Variants in TRAF3 observed in about 807,000 individuals in gnomAD.
TRAF3 encodes the protein TNF receptor associated factor 3.
In TRAF3, 13 loss-of-function variants were observed where a neutral mutation model predicts 62.3. The observed-to-expected ratio is 0.21, with a 90% confidence interval of 0.14 to 0.33. The LOEUF is 0.33. TRAF3 is among the 10% of genes least tolerant of loss of function. The pLI, the probability that TRAF3 is intolerant of heterozygous loss-of-function variation, is 1.00. For synonymous variants in TRAF3, 269 were observed against 283.4 expected (o/e 0.95, Z 0.51); for missense variants, 440 against 741.8 (o/e 0.59, Z 4.73).
At position 102,910,757 on chromosome 14, in the gene TRAF3, C is replaced by T. The variant is rs922113426; in HGVS notation, c.*4973C>T. On this transcript the variant is annotated 3_prime_UTR_variant, in exon 12 of 12. Coordinates refer to ENST00000392745, the MANE Select transcript of TRAF3 (RefSeq NM_145725.3). The stretch of plus-strand genomic sequence containing the variant: ...TTTCATTTCTCCTGCTGCACTGTGT[C>T]TAGTCTGTCTTGTGAACTCTCACCG... The T allele has an allele frequency of 2.6e-5, 4 of 152,248 alleles. No homozygotes were observed. Among genetic ancestry groups the T allele is most frequent in the African/African-American group, 9.6e-5 (4 of 41,462 alleles). 9.4% of individuals were successfully genotyped at this position (152,248 alleles called of 1,614,324 possible).
intron 2 of TRAF3, among the ~76,000 whole-genome samples, chr14:102,831,510 G>C (rs7156191): frequency 0.24 from 35,776 of 152,090 alleles, 4,684 homozygotes; most frequent in East Asian, 0.39. Context: ...GTTGCAGATA[G>C]AGCGTGGAGT....
chr14:102,832,140 A>G (rs1395763659), intron 2 of TRAF3, among the ~76,000 whole-genome samples: 1 of 142,902 alleles, frequency 7.0e-6, no homozygotes, highest in Admixed American at 7.3e-5. Flanking sequence ...CATGTACAAC[A>G]TGATATTTTG....
chr14:102,872,314 G>A (rs1322085753), intron 4 of TRAF3, among the ~76,000 whole-genome samples: 1 of 152,204 alleles, frequency 6.6e-6, no homozygotes, highest in Admixed American at 6.5e-5. Context: ...CTGTGGTTGG[G>A]TCACTTCCGT....
At chr14:102,779,100 G>A (rs958994291) in intron 1 of TRAF3, among the ~76,000 whole-genome samples, 2 of 152,148 alleles carry the variant, frequency 1.3e-5, no homozygotes, top group African/African-American at 4.8e-5. Flanking sequence ...GTGAGTGGGT[G>A]CTCATGACGG....
intron 1 of TRAF3, among the ~76,000 whole-genome samples, chr14:102,794,541 T>G (rs1354804911): frequency 1.3e-5 from 2 of 152,218 alleles, no homozygotes; most frequent in Non-Finnish European, 2.9e-5. Context: ...ATTCCTGCCA[T>G]GTTCTAAAAA....
intron 2 of TRAF3, among the ~76,000 whole-genome samples, chr14:102,861,903 G>T (rs945716419): frequency 1.3e-5 from 2 of 152,134 alleles, no homozygotes; most frequent in Non-Finnish European, 2.9e-5. Flanking sequence ...TTGTCTTTTT[G>T]TGGTTGAGTT....
chr14:102,840,197 C>CA (rs992899038), intron 2 of TRAF3, among the ~76,000 whole-genome samples: 3 of 151,142 alleles, frequency 2.0e-5, no homozygotes, highest in Non-Finnish European at 4.4e-5. Flanking sequence ...AAATTTGATG[C>CA]AAAAAAAATC....
At chr14:102,883,096 TCTC>T (rs936799651) in intron 6 of TRAF3, among the ~76,000 whole-genome samples, 3 of 152,170 alleles carry the variant, frequency 2.0e-5, no homozygotes, top group African/African-American at 7.2e-5. Context: ...CAGCAGTTCT[TCTC>T]CTGGATGTGT....
chr14:102,832,202 A>G (rs1431886667), intron 2 of TRAF3, among the ~76,000 whole-genome samples: 2 of 152,256 alleles, frequency 1.3e-5, no homozygotes, highest in African/African-American at 4.8e-5. Flanking sequence ...AAGTGTAAAG[A>G]TAAACTCACA....
chr14:102,895,430 G>A (rs1489903364), intron 9 of TRAF3, among the ~76,000 whole-genome samples: 1 of 152,234 alleles, frequency 6.6e-6, no homozygotes, highest in Admixed American at 6.5e-5. Flanking sequence ...CTTTAGGCTG[G>A]CTACCCTTTA....
chr14:102,801,093 A>G (rs769937017), intron 1 of TRAF3, among the ~76,000 whole-genome samples: 10 of 152,146 alleles, frequency 6.6e-5, no homozygotes, highest in Non-Finnish European at 1.2e-4. Context: ...GTAAACCCGG[A>G]AGGCGGAGCT....
intron 1 of TRAF3, among the ~76,000 whole-genome samples, chr14:102,803,152 G>A (rs1898546052): frequency 6.6e-6 from 1 of 152,222 alleles, no homozygotes; most frequent in African/African-American, 2.4e-5. Context: ...AATGAGATTT[G>A]GGTAGAGACA....
intron 2 of TRAF3, among the ~76,000 whole-genome samples, chr14:102,837,140 GTGT>G (rs1221175997): frequency 9.8e-6 from 1 of 102,198 alleles, no homozygotes; most frequent in Admixed American, 9.7e-5. Flanking sequence ...GTGTGTGTGT[GTGT>G]TTTTTTTGGG....
chr14:102,904,458 T>TTAA (rs1275051515), intron 11 of TRAF3, among the ~76,000 whole-genome samples: 1 of 151,802 alleles, frequency 6.6e-6, no homozygotes, highest in African/African-American at 2.4e-5. Context: ...GGAGGATTAC[T>TTAA]TAAGCTCAGG....
Position 102,897,350 on chromosome 14 carries a change from G to T in TRAF3, c.909G>T (p.Glu303Asp). The change falls in exon 10 of 12, where the codon GAG becomes GAT. Residue 303 changes from glutamate to aspartate, a missense_variant. Glu to Asp is a conservative substitution (Grantham distance 45, BLOSUM62 2). Around this residue, in one of 6 missense-constraint regions of TRAF3, gnomAD observed 255 missense variants for 424.1 expected, o/e 0.60. Transcript: ENST00000392745. ...NQICSFEIEI[E>D]RQKEMLRNNE... ...TATGTAGCTTTGAAATTGAAATTGA[G>T]AGACAAAAGGAAATGCTTCGAAATA... is the stretch of plus-strand genomic sequence containing the variant. 1 of 1,613,996 alleles carries T rather than the reference G, an allele frequency of 6.2e-7. No individual in the cohort carries two copies. Among genetic ancestry groups the T allele is most frequent in the South Asian group, 1.1e-5 (1 of 91,068 alleles).
intron 7 of TRAF3, among the ~76,000 whole-genome samples, chr14:102,889,175 A>G (rs368943537): frequency 6.6e-6 from 1 of 152,212 alleles, no homozygotes. Context: ...ACCCAGTTGC[A>G]TTCTGAATGC....
chr14:102,841,528 C>T (rs990539405), intron 2 of TRAF3, among the ~76,000 whole-genome samples: 1 of 152,230 alleles, frequency 6.6e-6, no homozygotes, highest in African/African-American at 2.4e-5. Flanking sequence ...GACGATTCCT[C>T]AGAAGGGCTG....
At position 102,857,354 on chromosome 14, in the gene TRAF3, C is replaced by T. The variant is rs145227590; in HGVS notation, c.-17-12831C>T. Among the ~76,000 whole-genome samples, 5 of 152,270 alleles carry T rather than the reference C, an allele frequency of 3.3e-5. No homozygotes were observed. In the South Asian group the frequency reaches 6.2e-4, roughly 19 times the overall value. ...TAATTTATTTTCTCTCTCCGGTCTCCCATTTTTACTGAAGACAAATCATGG... is the reference window on the plus strand; with the variant it reads ...TAATTTATTTTCTCTCTCCGGTCTCTCATTTTTACTGAAGACAAATCATGG... On this transcript the variant is annotated intron_variant, in intron 2 of 11. Transcript: ENST00000392745.
intron 2 of TRAF3, among the ~76,000 whole-genome samples, chr14:102,848,840 T>G (rs570142357): frequency 6.6e-6 from 1 of 152,258 alleles, no homozygotes; most frequent in Non-Finnish European, 1.5e-5. Flanking sequence ...TGGGTGGATA[T>G]AGAGGCTCGA....
Sources: gnomAD v4.1 joint callset for allele counts (sites outside exome capture counted in the v4.1 genomes callset) on GRCh38, gnomAD v4.1.1 for gene constraint, gnomAD v4.1.1 regional missense constraint, MANE v1.5 for transcripts, NCBI Gene and HGNC (gene_info 2026-07-23, HGNC 2026-07-21) for gene names.